Variants in TTYH2 observed in about 807,000 individuals in gnomAD.
TTYH2 encodes the protein tweety family member 2, also known as protein tweety homolog 2.
A neutral mutation model predicts 68.3 loss-of-function variants in TTYH2; 49 were observed. The ratio of observed to expected loss-of-function variants is 0.72; its 90% CI spans 0.57 to 0.91. TTYH2 has a LOEUF of 0.91. Among genes scored for constraint, TTYH2 ranks in the 40% least tolerant of loss-of-function variants. The pLI is 0.00. For missense variants in TTYH2, 631 were observed against 700.4 expected (o/e 0.90, Z 1.12); for synonymous variants, 272 against 300.8 (o/e 0.90, Z 0.99).
At position 74,249,100 on chromosome 17, in the gene TTYH2, C is replaced by A; in HGVS notation, c.874+20C>A. The A allele has an allele frequency of 6.2e-7, 1 of 1,614,054 alleles. No homozygotes were observed. Among genetic ancestry groups the A allele is most frequent in the East Asian group, 2.2e-5 (1 of 44,888 alleles). On this transcript the variant is annotated intron_variant, in intron 7 of 13. Transcript: ENST00000269346. ...GCACAGGTAACTACACACTCTCAGG[C>A]TGCTGCTGTGGATGCATAGGTGGCC...
intron 13 of TTYH2, among the ~76,000 whole-genome samples, chr17:74,257,675 T>G (rs1256525972): frequency 6.6e-6 from 1 of 152,146 alleles, no homozygotes; most frequent in Non-Finnish European, 1.5e-5. Flanking sequence ...CAAGGAATAA[T>G]CTCTCCTGTC....
intron 2 of TTYH2, among the ~76,000 whole-genome samples, chr17:74,228,607 T>A (rs752916748): frequency 2.0e-5 from 3 of 151,886 alleles, no homozygotes; most frequent in Non-Finnish European, 4.4e-5. Flanking sequence ...AACACAAAAA[T>A]CAATACAGCA....
rs1286254883 is a variant in TTYH2, at chr17:74,253,106, G to C, written c.1285G>C (p.Asp429His). 10 of 1,613,778 alleles carry C rather than the reference G, an allele frequency of 6.2e-6. No homozygotes were observed. The highest frequency in any genetic ancestry group is 1.7e-4 in the Middle Eastern group (1 of 6,052). The change falls in exon 12 of 14, where the codon GAT becomes CAT. Residue 429 changes from aspartate to histidine, a missense_variant. Asp to His is a moderately conservative substitution (Grantham distance 81). Coordinates refer to ENST00000269346, the MANE Select transcript of TTYH2 (RefSeq NM_032646.6). ...TRNRDYDDID[D>H]DDPFNPQAWR... ...AAACAGAGACTACGATGACATTGATGATGATGACCCCTTTAACCCCCAAGC... is the reference window on the plus strand; with the variant it reads ...AAACAGAGACTACGATGACATTGATCATGATGACCCCTTTAACCCCCAAGC...
rs1276590121 is a variant in TTYH2 at position 74,244,177 on chromosome 17, G to T, written c.804+128G>T. The T allele has an allele frequency of 4.5e-6, 4 of 892,730 alleles. No homozygotes were observed. The East Asian group carries it at 1.0e-4, about 23-fold the overall frequency. The allele number at this position is 892,730 out of a possible 1,614,324, so 55.3% of individuals were successfully genotyped here. ...GAATCCCAGAATCTCAGAACCAAAG[G>T]GACTTGCGTCATCTGAACCGGCCCC... On this transcript the variant is annotated intron_variant, in intron 6 of 13. Coordinates refer to ENST00000269346, the MANE Select transcript of TTYH2 (RefSeq NM_032646.6).
At chr17:74,221,972 G>T (rs2050279976) in intron 1 of TTYH2, among the ~76,000 whole-genome samples, 1 of 152,196 alleles carries the variant, frequency 6.6e-6, no homozygotes, top group South Asian at 2.1e-4. Flanking sequence ...GTCCTTGCAT[G>T]GAAGAGGCAA....
At chr17:74,248,954 G>T in intron 6 of TTYH2, 57 bp from the exon 7 acceptor site, 7 of 1,611,532 alleles carry the variant, frequency 4.3e-6, no homozygotes, top group Non-Finnish European at 5.1e-6. Context: ...TCCTCCCAGG[G>T]CCCCGCTGTC....
rs1201108580 is a variant in TTYH2 at position 74,215,044 on chromosome 17, CT to C, written c.129+1329del. Among the ~76,000 whole-genome samples the C allele has an allele frequency of 2.6e-5, 4 of 152,110 alleles. No individual in the cohort carries two copies. The highest frequency in any genetic ancestry group is 7.2e-5 in the African/African-American group (3 of 41,422). ...GACGGCAGTCGGTGGACCCACCCCC[CT>C]CCCCCAGAGCCCAGCCTGTGGGAGT... is the stretch of plus-strand genomic sequence containing the variant. On this transcript the variant is annotated intron_variant, in intron 1 of 13. Coordinates refer to ENST00000269346, the MANE Select transcript of TTYH2 (RefSeq NM_032646.6). This position sits in a 1 kb window ranked among gnomAD's most constrained non-coding sequence, Gnocchi z 4.3.
intron 4 of TTYH2, among the ~76,000 whole-genome samples, chr17:74,243,098 C>T (rs1000354671): frequency 2.0e-5 from 3 of 152,208 alleles, no homozygotes; most frequent in Non-Finnish European, 4.4e-5. Context: ...TAGAACAGCT[C>T]CTCCACTGGG....
At chr17:74,243,872 G>A (rs2050527023) in intron 5 of TTYH2, 105 bp from the exon 6 acceptor site, 1 of 1,076,666 alleles carries the variant, frequency 9.3e-7, no homozygotes, top group East Asian at 2.5e-5. Flanking sequence ...AGGGACTGAG[G>A]CTGCCTTTGG....
At chr17:74,254,426 C>T (rs1269123280) in intron 13 of TTYH2, among the ~76,000 whole-genome samples, 1 of 152,180 alleles carries the variant, frequency 6.6e-6, no homozygotes, top group African/African-American at 2.4e-5. Context: ...CCTCGGCCTC[C>T]CAAAGTGCTG....
intron 13 of TTYH2, among the ~76,000 whole-genome samples, chr17:74,254,161 A>T (rs1229411296): frequency 6.7e-6 from 1 of 149,306 alleles, no homozygotes; most frequent in Non-Finnish European, 1.5e-5. Flanking sequence ...CTGGTTAAGT[A>T]ATTGCCTTTA....
chr17:74,238,495 C>T (rs1282338616), intron 4 of TTYH2, among the ~76,000 whole-genome samples: 1 of 152,046 alleles, frequency 6.6e-6, no homozygotes, highest in Non-Finnish European at 1.5e-5. Flanking sequence ...AACTCCTGGG[C>T]TCAAGTGATC....
At chr17:74,259,832 C>T (rs1054189763) in intron 13 of TTYH2, among the ~76,000 whole-genome samples, 6 of 152,230 alleles carry the variant, frequency 3.9e-5, no homozygotes, top group African/African-American at 1.4e-4. Flanking sequence ...AGCCTGCTGG[C>T]TGCTGACTGC....
intron 2 of TTYH2, among the ~76,000 whole-genome samples, 195 bp from the exon 3 acceptor site, chr17:74,230,693 T>G (rs1267046068): frequency 1.3e-5 from 2 of 149,214 alleles, no homozygotes; most frequent in Admixed American, 6.8e-5. Context: ...CAGGAGGGAG[T>G]GCAGTGCCAT....
chr17:74,234,581 A>T (rs976559911), intron 3 of TTYH2, among the ~76,000 whole-genome samples: 1 of 152,248 alleles, frequency 6.6e-6, no homozygotes, highest in African/African-American at 2.4e-5. Context: ...ACAATTTTTT[A>T]GTTTTGTTTC....
intron 1 of TTYH2, among the ~76,000 whole-genome samples, chr17:74,219,090 G>A (rs997336673): frequency 1.3e-5 from 2 of 152,148 alleles, no homozygotes; most frequent in Non-Finnish European, 2.9e-5. Context: ...GGTGGCACAT[G>A]CCTGTAATCC....
intron 2 of TTYH2, among the ~76,000 whole-genome samples, chr17:74,226,595 G>A (rs2050332736): frequency 6.6e-6 from 1 of 152,164 alleles, no homozygotes; most frequent in Non-Finnish European, 1.5e-5. Flanking sequence ...CAGGAGAAGG[G>A]ATGGAGGTAA....
intron 2 of TTYH2, among the ~76,000 whole-genome samples, chr17:74,226,286 C>G (rs58721005): frequency 0.023 from 3,429 of 152,244 alleles, 122 homozygotes; most frequent in African/African-American, 0.078. Flanking sequence ...TGGGGCCAAG[C>G]CTGGAGGAAG....
chr17:74,248,633 G>A (rs983474229), intron 6 of TTYH2: 4 of 1,123,148 alleles, frequency 3.6e-6, no homozygotes, highest in Non-Finnish European at 4.4e-6. Context: ...CACACACACA[G>A]CCTGCAGCTG....
Sources: allele counts gnomAD v4.1 joint callset (sites outside exome capture counted in the v4.1 genomes callset), GRCh38; gene constraint gnomAD v4.1.1; non-coding constraint Gnocchi (gnomAD v3.1); transcripts MANE v1.5; gene names NCBI Gene and HGNC (gene_info 2026-07-23, HGNC 2026-07-21).